HNRNPUL1: variants seen among roughly 807,000 people sequenced by gnomAD.
HNRNPUL1 encodes the protein heterogeneous nuclear ribonucleoprotein U-like protein 1.
In HNRNPUL1, 14 loss-of-function variants were observed where a neutral mutation model predicts 108.5. That is an observed-to-expected ratio of 0.13 (90% CI 0.09 to 0.20). The LOEUF (loss-of-function observed/expected upper bound fraction) is 0.20, where lower values mean the gene tolerates loss of function less well. Ranked by LOEUF, HNRNPUL1 falls within the 10% of genes least tolerant of loss-of-function variation. The probability of loss-of-function intolerance (pLI) is 1.00; values close to 1 mark genes in which losing one functional copy is unlikely to be tolerated. For missense variants in HNRNPUL1, 804 were observed against 1,168.3 expected (o/e 0.69, Z 4.55); for synonymous variants, 422 against 445.2 (o/e 0.95, Z 0.66).
intron 1 of HNRNPUL1, among the ~76,000 whole-genome samples, chr19:41,267,276 C>A (rs1051555142): frequency 1.9e-4 from 29 of 152,052 alleles, no homozygotes; most frequent in Admixed American, 3.3e-4. Flanking sequence ...GGAGAAGGAC[C>A]CTAGAATTAT....
chr19:41,294,365 G>T lies in HNRNPUL1; in HGVS notation c.1294G>T (p.Ala432Ser), dbSNP rs1261494023. 6.2e-7 allele frequency: 1 copy of T among 1,614,124 alleles called. No individual in the cohort carries two copies. The highest frequency in any genetic ancestry group is 1.1e-5 in the South Asian group (1 of 91,078). ...EILMMVGLPA[A>S]GKTTWAIKHA... ...TCTGATGATGGTGGGCCTGCCTGCT[G>T]CTGGCAAGACCACATGGGCCATCAA... The change falls in exon 9 of 15, where the codon GCT becomes TCT. Residue 432 changes from alanine to serine, a missense_variant. By Grantham distance (99) the Ala-to-Ser change is moderately conservative. This residue lies in a region of HNRNPUL1 where 80 missense variants were observed against 221.8 expected (regional missense o/e 0.36). Coordinates refer to ENST00000392006, the MANE Select transcript of HNRNPUL1 (RefSeq NM_007040.6). The surrounding 1 kb of genome is among the most constrained non-coding windows in gnomAD (Gnocchi z 4.3).
At chr19:41,267,528 G>A (rs989927299) in intron 1 of HNRNPUL1, among the ~76,000 whole-genome samples, 9 of 152,304 alleles carry the variant, frequency 5.9e-5, no homozygotes, top group South Asian at 4.1e-4. Flanking sequence ...TAAACAGACC[G>A]GTAGCAAACC....
In HNRNPUL1 at chr19:41,272,141, C is replaced by T; in HGVS notation, c.478C>T (p.Gln160Ter). 6.2e-7 allele frequency: 1 copy of T among 1,614,148 alleles called. No homozygotes were observed. Among genetic ancestry groups the T allele is most frequent in the Non-Finnish European group, 8.5e-7 (1 of 1,180,004 alleles). The change falls in exon 3 of 15, where the codon CAA becomes TAA. Residue 160 changes from glutamine to a stop codon, truncating the protein, a stop_gained. Transcript: ENST00000392006. LOFTEE classifies it high-confidence loss of function. ...PTSFLPPEAS[Q>*]LKPDRQQFQS... Reference sequence around the variant, plus strand: ...CAGCTTCCTCCCGCCTGAAGCTTCTCAACTCAAGCCAGACAGGCAGCAATT... The same window carrying T: ...CAGCTTCCTCCCGCCTGAAGCTTCTTAACTCAAGCCAGACAGGCAGCAATT...
chr19:41,279,142 C>T lies in HNRNPUL1; in HGVS notation c.852C>T (p.Ile284=), dbSNP rs771787658. 9 of 1,613,770 alleles carry T rather than the reference C, an allele frequency of 5.6e-6. No individual in the cohort carries two copies. The East Asian group carries it at 6.7e-5, about 12-fold the overall frequency. The change falls in exon 6 of 15, where the codon ATC becomes ATT. Residue 284 remains isoleucine (I), a synonymous_variant. Transcript: ENST00000392006. ...AGCCTGACCCCCACGTGGTCCGTAT[C>T]GGCTGGTCCCTGGACTCCTGCAGCA... ...STEPDPHVVR[I]GWSLDSCSTQ...
chr19:41,300,005 C>T (rs368274305), intron 10 of HNRNPUL1, among the ~76,000 whole-genome samples: 9 of 152,190 alleles, frequency 5.9e-5, no homozygotes, highest in African/African-American at 1.9e-4. Context: ...ACATCCATGC[C>T]GTTTTCCCTT....
At chr19:41,299,182 G>A (rs559095255) in intron 10 of HNRNPUL1, among the ~76,000 whole-genome samples, 24 of 152,172 alleles carry the variant, frequency 1.6e-4, no homozygotes, top group South Asian at 8.3e-4. Flanking sequence ...TTTGTGGGCC[G>A]GTGTCCAAGA....
rs79064618 is a variant in HNRNPUL1, at chr19:41,297,572, C to T, written c.1518+2886C>T. Among the ~76,000 whole-genome samples, 962 of 152,246 alleles carry T rather than the reference C, an allele frequency of 6.3e-3. 9 individuals carry two copies. Among genetic ancestry groups the T allele is most frequent in the African/African-American group, 0.022 (909 of 41,536 alleles). ...TCCCAGAGGGCCTCAAAATGGAGTA[C>T]AGAACAGGAACTGACTGGCCTGCTG... On this transcript the variant is annotated intron_variant, in intron 10 of 14. Coordinates refer to ENST00000392006, the MANE Select transcript of HNRNPUL1 (RefSeq NM_007040.6).
At position 41,298,044 on chromosome 19, in the gene HNRNPUL1, T is replaced by C. The variant is rs554985003; in HGVS notation, c.1518+3358T>C. Among the ~76,000 whole-genome samples, 4 of 152,284 alleles carry C rather than the reference T, an allele frequency of 2.6e-5. No homozygotes were observed. The East Asian group carries it at 7.7e-4, about 29-fold the overall frequency. On this transcript the variant is annotated intron_variant, in intron 10 of 14. Coordinates refer to ENST00000392006, the MANE Select transcript of HNRNPUL1 (RefSeq NM_007040.6). Reference sequence around the variant, plus strand: ...TCACTCTGAGCCCAAAGTAAATCTTTCCTCATCAGCCTTCACTTTGCTCCT... The same window carrying C: ...TCACTCTGAGCCCAAAGTAAATCTTCCCTCATCAGCCTTCACTTTGCTCCT...
chr19:41,299,886 A>C (rs915098447), intron 10 of HNRNPUL1, among the ~76,000 whole-genome samples: 2 of 152,134 alleles, frequency 1.3e-5, no homozygotes, highest in Non-Finnish European at 2.9e-5. Context: ...AGTGATGACC[A>C]CATCAATGGC....
intron 7 of HNRNPUL1, among the ~76,000 whole-genome samples, chr19:41,291,167 CTT>C (rs2036555636): frequency 1.3e-5 from 2 of 152,218 alleles, no homozygotes; most frequent in South Asian, 4.1e-4. Flanking sequence ...TCCCCCTCAT[CTT>C]TTATGCCTCA....
At chr19:41,285,787 A>C (rs968092203) in intron 7 of HNRNPUL1, among the ~76,000 whole-genome samples, 2 of 152,166 alleles carry the variant, frequency 1.3e-5, no homozygotes, top group Non-Finnish European at 2.9e-5. Context: ...TTGTCCCTAA[A>C]CAATGGGCTG....
At chr19:41,265,371 G>A (rs1411570455) in intron 1 of HNRNPUL1, 3 of 1,522,482 alleles carry the variant, frequency 2.0e-6, no homozygotes, top group Non-Finnish European at 1.8e-6. Flanking sequence ...AGAGGTGGAG[G>A]CGCTGGTGTC....
intron 4 of HNRNPUL1, 72 bp downstream of exon 4, chr19:41,274,127 C>T: frequency 8.1e-7 from 1 of 1,237,650 alleles, no homozygotes; most frequent in Non-Finnish European, 1.2e-6. Flanking sequence ...TGACCTTCAC[C>T]AGAATCCCTG....
At chr19:41,298,360 A>C (rs1427330915) in intron 10 of HNRNPUL1, 3 of 152,240 alleles carry the variant, frequency 2.0e-5, no homozygotes, top group Non-Finnish European at 4.4e-5. Context: ...TGGGAGAAGC[A>C]GAAGCTAGGC....
chr19:41,266,800 G>A (rs1329707668), intron 1 of HNRNPUL1, among the ~76,000 whole-genome samples: 2 of 152,218 alleles, frequency 1.3e-5, no homozygotes, highest in Non-Finnish European at 2.9e-5. Flanking sequence ...AGAATTTCCC[G>A]GAGGGAGGAG....
chr19:41,266,854 C>G (rs900275465), intron 1 of HNRNPUL1, among the ~76,000 whole-genome samples: 5 of 152,234 alleles, frequency 3.3e-5, no homozygotes, highest in African/African-American at 1.2e-4. Flanking sequence ...ATCGAGGACC[C>G]AGGTGCTGGA....
Position 41,294,790 on chromosome 19 carries a change from G to A in HNRNPUL1, c.1518+104G>A. On this transcript the variant is annotated intron_variant, in intron 10 of 14. Coordinates refer to ENST00000392006, the MANE Select transcript of HNRNPUL1 (RefSeq NM_007040.6). The surrounding 1 kb of genome is among the most constrained non-coding windows in gnomAD (Gnocchi z 4.3). ...TTCTTTTTTCCCCCGTAATGATGAT[G>A]GACTGCTGTGCTAGTCGGGGGGGTC... The A allele has an allele frequency of 7.3e-7, 1 of 1,378,438 alleles. No homozygotes were observed. The highest frequency in any genetic ancestry group is 1.0e-6 in the Non-Finnish European group (1 of 983,526). 85.4% of individuals were successfully genotyped at this position (1,378,438 alleles called of 1,614,324 possible).
chr19:41,303,310 T>G (rs985872115), intron 12 of HNRNPUL1, among the ~76,000 whole-genome samples: 17 of 151,908 alleles, frequency 1.1e-4, no homozygotes, highest in African/African-American at 4.1e-4. Context: ...GGACTAGATG[T>G]GACTCGTTCA....
In HNRNPUL1 at chr19:41,292,596, C is replaced by T. The variant is rs537244099; in HGVS notation, c.1266+85C>T. On this transcript the variant is annotated intron_variant, in intron 8 of 14. Transcript: ENST00000392006. The surrounding 1 kb of genome is among the most constrained non-coding windows in gnomAD (Gnocchi z 4.1). Reference sequence around the variant, plus strand: ...CACACACACACACACAGACTTGCTGCGAGAGTAGCCTTGGGGCAAGTGGCC... The same window carrying T: ...CACACACACACACACAGACTTGCTGTGAGAGTAGCCTTGGGGCAAGTGGCC... 1.5e-4 allele frequency: 222 copies of T among 1,510,894 alleles called. No homozygotes were observed. The East Asian group carries it at 3.5e-3, about 23-fold the overall frequency. The allele number at this position is 1,510,894 out of a possible 1,614,324, so 93.6% of individuals were successfully genotyped here. A position where few individuals can be genotyped will look rare whatever the true frequency, so the allele number is the denominator to read the frequency against.
Sources: allele counts gnomAD v4.1 joint callset (sites outside exome capture counted in the v4.1 genomes callset), GRCh38; gene constraint gnomAD v4.1.1; regional missense constraint gnomAD v4.1.1; non-coding constraint Gnocchi (gnomAD v3.1); transcripts MANE v1.5; gene names NCBI Gene and HGNC (gene_info 2026-07-23, HGNC 2026-07-21).